Variants in PATJ observed in about 807,000 individuals in gnomAD.
PATJ encodes inaD-like protein.
In PATJ, 190 loss-of-function variants were observed where a neutral mutation model predicts 224.9. The observed-to-expected ratio is 0.84, with a 90% CI of 0.75 to 0.95. The LOEUF (loss-of-function observed/expected upper bound fraction) is 0.95. Among genes scored for constraint, PATJ ranks in the 40% least tolerant of loss-of-function variants. PATJ has a pLI of 0.00. For synonymous variants in PATJ, 769 were observed against 820.3 expected (o/e 0.94, Z 1.07); for missense variants, 2,121 against 2,270.3 (o/e 0.93, Z 1.34).
intron 31 of PATJ, among the ~76,000 whole-genome samples, chr1:62,069,182 G>A (rs6661862): frequency 6.6e-6 from 1 of 151,982 alleles, no homozygotes; most frequent in Admixed American, 6.5e-5. Flanking sequence ...AGAATCTTGC[G>A]TGTGTTGCTG....
At chr1:61,775,181 A>G in intron 6 of PATJ, 25 bp from the exon 7 acceptor site, 1 of 1,597,406 alleles carries the variant, frequency 6.3e-7, no homozygotes, top group Non-Finnish European at 8.5e-7. Flanking sequence ...TGATACTGCG[A>G]CTCTTATTTG....
At position 62,003,250 on chromosome 1, in the gene PATJ, T is replaced by C. The variant is rs150777562; in HGVS notation, c.3867+12886T>C. ...ATTGGAGCAACTTTCACAGGAGTAT[T>C]CAAAATTAGAACAACACAGAAACAT... is the stretch of plus-strand genomic sequence containing the variant. On this transcript the variant is annotated intron_variant, in intron 28 of 43. Transcript: ENST00000642238. Among the ~76,000 whole-genome samples the C allele has an allele frequency of 9.8e-5, 15 of 152,330 alleles. No individual in the cohort carries two copies. In the East Asian group the frequency reaches 2.5e-3, roughly 25 times the overall value.
chr1:62,090,094 C>T (rs538141699), intron 33 of PATJ, among the ~76,000 whole-genome samples: 3 of 152,132 alleles, frequency 2.0e-5, no homozygotes, highest in Admixed American at 6.6e-5. Flanking sequence ...CCAAGACAGA[C>T]GGTTTCTGAG....
intron 17 of PATJ, among the ~76,000 whole-genome samples, chr1:61,839,413 C>T (rs1570812333): frequency 6.6e-6 from 1 of 151,934 alleles, no homozygotes; most frequent in East Asian, 1.9e-4. Flanking sequence ...CTTCAGAAGA[C>T]CATCATTGCA....
intron 14 of PATJ, among the ~76,000 whole-genome samples, chr1:61,810,848 C>G (rs564562940): frequency 1.3e-5 from 2 of 151,876 alleles, no homozygotes; most frequent in South Asian, 2.1e-4. Context: ...CACTTGAACC[C>G]GGGAGGCGGA....
chr1:61,805,823 TAA>T (rs1400243271), intron 13 of PATJ, among the ~76,000 whole-genome samples: 1 of 152,242 alleles, frequency 6.6e-6, no homozygotes, highest in Non-Finnish European at 1.5e-5. Flanking sequence ...GGCTTGCCTT[TAA>T]ATTTATAACC....
chr1:61,910,284 A>G (rs1004771956), intron 25 of PATJ, among the ~76,000 whole-genome samples: 2 of 152,194 alleles, frequency 1.3e-5, no homozygotes, highest in Non-Finnish European at 2.9e-5. Context: ...CTGAGGTGGA[A>G]ACTTTTGTTT....
chr1:62,019,400 C>T (rs1457690892), intron 29 of PATJ, among the ~76,000 whole-genome samples: 1 of 151,784 alleles, frequency 6.6e-6, no homozygotes, highest in African/African-American at 2.4e-5. Context: ...GGTGGCTACT[C>T]AGCTACTCAG....
intron 12 of PATJ, among the ~76,000 whole-genome samples, chr1:61,803,786 A>G (rs1323416640): frequency 1.3e-5 from 2 of 152,178 alleles, no homozygotes; most frequent in Non-Finnish European, 2.9e-5. Context: ...GCTTTAGAGT[A>G]AAATCAAAAT....
chr1:62,056,194 G>A (rs1382852815), intron 31 of PATJ, among the ~76,000 whole-genome samples: 3 of 152,082 alleles, frequency 2.0e-5, no homozygotes, highest in Non-Finnish European at 2.9e-5. Flanking sequence ...CAGAAATAGT[G>A]TTTTACCAGC....
chr1:62,097,909 C>T (rs915456105), intron 33 of PATJ, among the ~76,000 whole-genome samples: 2 of 152,176 alleles, frequency 1.3e-5, no homozygotes, highest in East Asian at 3.8e-4. Context: ...ACTTTATCTG[C>T]TTCACTCTAC....
At chr1:62,050,816 C>T in intron 30 of PATJ, 150 bp from the exon 31 acceptor site, 1 of 648,256 alleles carries the variant, frequency 1.5e-6, no homozygotes, top group South Asian at 2.0e-5. Flanking sequence ...CAGTCTTCTG[C>T]TAGAAAGAAA....
chr1:61,784,875 C>G (rs745725991), intron 7 of PATJ, among the ~76,000 whole-genome samples: 1 of 152,112 alleles, frequency 6.6e-6, no homozygotes, highest in Admixed American at 6.5e-5. Flanking sequence ...ATAACAATGT[C>G]CTCCTTGCCT....
At chr1:62,047,532 G>A (rs1203143583) in intron 30 of PATJ, among the ~76,000 whole-genome samples, 3 of 152,144 alleles carry the variant, frequency 2.0e-5, no homozygotes, top group Non-Finnish European at 4.4e-5. Context: ...TTACAGGCGT[G>A]AGCCACCGCA....
intron 14 of PATJ, among the ~76,000 whole-genome samples, chr1:61,812,741 C>T (rs1309492725): frequency 6.6e-6 from 1 of 151,792 alleles, no homozygotes; most frequent in East Asian, 1.9e-4. Context: ...CCCATCTACT[C>T]GGGAGGCTGA....
chr1:61,906,555 C>T (rs1332637), intron 24 of PATJ, among the ~76,000 whole-genome samples: 114,522 of 152,100 alleles, frequency 0.75, 43,370 homozygotes, highest in East Asian at 1. Flanking sequence ...TCATATTATA[C>T]CACAGGCACA....
chr1:62,031,059 C>G (rs1026809286), intron 29 of PATJ, among the ~76,000 whole-genome samples: 3 of 152,066 alleles, frequency 2.0e-5, no homozygotes, highest in Admixed American at 2.0e-4. Flanking sequence ...AACAAACAGC[C>G]CCAAAACTCA....
chr1:61,973,174 G>A (rs1184941695), intron 27 of PATJ, among the ~76,000 whole-genome samples: 2 of 151,904 alleles, frequency 1.3e-5, no homozygotes, highest in Admixed American at 1.3e-4. Flanking sequence ...TACCCACTCT[G>A]GGCCAGAAAC....
At chr1:61,910,816 G>A (rs1278216066) in intron 25 of PATJ, among the ~76,000 whole-genome samples, 1 of 151,582 alleles carries the variant, frequency 6.6e-6, no homozygotes, top group Non-Finnish European at 1.5e-5. Flanking sequence ...CAAAGTGTTG[G>A]GATTACAAGC....
Sources: gnomAD v4.1 joint callset for allele counts (sites outside exome capture counted in the v4.1 genomes callset) on GRCh38, gnomAD v4.1.1 for gene constraint, MANE v1.5 for transcripts, NCBI Gene and HGNC (gene_info 2026-07-23, HGNC 2026-07-21) for gene names.